ADGRL3: variants seen among roughly 807,000 people sequenced by gnomAD.
ADGRL3 encodes calcium-independent alpha-latrotoxin receptor 3.
ADGRL3 carries 62 observed loss-of-function variants against 153.5 expected under a neutral mutation model. The ratio of observed to expected loss-of-function variants is 0.40; its 90% CI spans 0.33 to 0.50. ADGRL3 has a LOEUF of 0.50. ADGRL3 is among the 20% of genes least tolerant of loss of function. ADGRL3 has a pLI of 0.47. For missense variants in ADGRL3, 1,641 were observed against 1,859.4 expected (o/e 0.88, Z 2.16); for synonymous variants, 710 against 672.5 (o/e 1.06, Z -0.86).
At chr4:61,228,247 T>G (rs1748870049) in intron 1 of ADGRL3, among the ~76,000 whole-genome samples, 1 of 152,222 alleles carries the variant, frequency 6.6e-6, no homozygotes, top group Non-Finnish European at 1.5e-5. Context: ...GATGTCCTTT[T>G]CTTCTTATTC....
At chr4:62,057,387 T>G (rs1737614590) in intron 25 of ADGRL3, among the ~76,000 whole-genome samples, 1 of 152,150 alleles carries the variant, frequency 6.6e-6, no homozygotes, top group Non-Finnish European at 1.5e-5. Flanking sequence ...GACTCATTAT[T>G]TCATTCAAAA....
intron 5 of ADGRL3, among the ~76,000 whole-genome samples, chr4:61,619,455 C>T (rs553328605): frequency 2.0e-5 from 3 of 151,934 alleles, no homozygotes; most frequent in Admixed American, 2.0e-4. Flanking sequence ...TCAGCACAGA[C>T]ATTTGAAATG....
At chr4:61,251,530 C>T (rs8180300) in intron 1 of ADGRL3, among the ~76,000 whole-genome samples, 99,896 of 152,104 alleles carry the variant, frequency 0.66, 32,937 homozygotes, top group East Asian at 0.76. Flanking sequence ...AGGACACCGA[C>T]GTTTAAGTCT....
chr4:61,947,311 T>G (rs115819722), intron 16 of ADGRL3, among the ~76,000 whole-genome samples, 189 bp downstream of exon 16: 1 of 152,150 alleles, frequency 6.6e-6, no homozygotes, highest in Admixed American at 6.6e-5. Context: ...CTTATATATG[T>G]AAATACTTAT....
intron 17 of ADGRL3, among the ~76,000 whole-genome samples, chr4:61,966,102 C>T (rs1349288944): frequency 6.6e-6 from 1 of 151,828 alleles, no homozygotes; most frequent in Non-Finnish European, 1.5e-5. Context: ...TTCTTTTTTT[C>T]TGAAATTGCT....
At chr4:61,833,971 T>C (rs1402924855) in intron 9 of ADGRL3, among the ~76,000 whole-genome samples, 5 of 151,660 alleles carry the variant, frequency 3.3e-5, no homozygotes, top group Non-Finnish European at 1.5e-5. Context: ...TTTTTTTTTT[T>C]TTTTTTATTG....
chr4:61,372,674 G>A (rs2151756290), intron 1 of ADGRL3, among the ~76,000 whole-genome samples: 1 of 152,292 alleles, frequency 6.6e-6, no homozygotes, highest in Middle Eastern at 3.4e-3. Flanking sequence ...GGTTACTGCT[G>A]TCTTTTTGTT....
chr4:61,646,171 T>C (rs1173551849), intron 5 of ADGRL3, among the ~76,000 whole-genome samples: 7 of 152,090 alleles, frequency 4.6e-5, no homozygotes, highest in Admixed American at 3.3e-4. Flanking sequence ...TTGGTTATTC[T>C]AGTTATACAT....
At chr4:61,828,397 T>G (rs989213582) in intron 9 of ADGRL3, among the ~76,000 whole-genome samples, 6 of 152,070 alleles carry the variant, frequency 3.9e-5, no homozygotes, top group Non-Finnish European at 7.4e-5. Context: ...AAATAAAATA[T>G]AAATTAAAAA....
At chr4:61,851,480 T>A (rs1278332486) in intron 9 of ADGRL3, among the ~76,000 whole-genome samples, 4 of 151,076 alleles carry the variant, frequency 2.6e-5, no homozygotes, top group Non-Finnish European at 5.9e-5. Flanking sequence ...TCCCAGCTAC[T>A]TGAGAAGCTG....
At chr4:61,362,392 T>C (rs1167331223) in intron 1 of ADGRL3, among the ~76,000 whole-genome samples, 2 of 151,656 alleles carry the variant, frequency 1.3e-5, no homozygotes, top group African/African-American at 4.8e-5. Context: ...ACTCAGATGT[T>C]AGGAGCACCA....
chr4:61,250,545 G>C (rs1188091820), intron 1 of ADGRL3, among the ~76,000 whole-genome samples: 1 of 152,158 alleles, frequency 6.6e-6, no homozygotes, highest in Admixed American at 6.5e-5. Flanking sequence ...TGTTGCCTAA[G>C]ATACTGACTT....
At chr4:62,020,893 T>G (rs1423336755) in intron 21 of ADGRL3, among the ~76,000 whole-genome samples, 1 of 152,148 alleles carries the variant, frequency 6.6e-6, no homozygotes, top group Non-Finnish European at 1.5e-5. Flanking sequence ...TTAGGAATTT[T>G]GGAAATACTT....
At chr4:61,605,864 C>T (rs1208745028) in intron 5 of ADGRL3, among the ~76,000 whole-genome samples, 4 of 152,062 alleles carry the variant, frequency 2.6e-5, no homozygotes, top group Non-Finnish European at 5.9e-5. Context: ...GAAAATAAGC[C>T]TTCATCTAAG....
At chr4:61,907,460 T>C (rs993888110) in intron 11 of ADGRL3, among the ~76,000 whole-genome samples, 20 of 151,952 alleles carry the variant, frequency 1.3e-4, no homozygotes, top group Non-Finnish European at 1.5e-4. Context: ...GGTTTCACCA[T>C]GTTGGCCAAG....
chr4:61,663,119 C>A (rs981927053), intron 5 of ADGRL3, among the ~76,000 whole-genome samples: 3 of 152,160 alleles, frequency 2.0e-5, no homozygotes, highest in Admixed American at 6.5e-5. Flanking sequence ...TCGGGACCCT[C>A]CAAATGGCAG....
At chr4:61,568,160 A>G (rs896538859) in intron 4 of ADGRL3, among the ~76,000 whole-genome samples, 1 of 152,080 alleles carries the variant, frequency 6.6e-6, no homozygotes, top group Non-Finnish European at 1.5e-5. Context: ...TTCTTTCTCT[A>G]TCAGCATATA....
At chr4:61,525,930 C>G (rs1333465203) in intron 4 of ADGRL3, among the ~76,000 whole-genome samples, 2 of 151,980 alleles carry the variant, frequency 1.3e-5, no homozygotes, top group African/African-American at 4.8e-5. Context: ...GAAAAGCGAT[C>G]ATTAGTGATA....
chr4:61,271,247 G>A (rs1169296071), intron 1 of ADGRL3, among the ~76,000 whole-genome samples: 1 of 151,786 alleles, frequency 6.6e-6, no homozygotes, highest in Non-Finnish European at 1.5e-5. Flanking sequence ...GAATGTCTAA[G>A]GCCTTGCTCT....
Sources: gnomAD v4.1 joint callset for allele counts (sites outside exome capture counted in the v4.1 genomes callset) on GRCh38, gnomAD v4.1.1 for gene constraint, MANE v1.5 for transcripts, NCBI Gene and HGNC (gene_info 2026-07-23, HGNC 2026-07-21) for gene names.